Variants in ZNF185 observed in about 807,000 individuals in gnomAD.
ZNF185 encodes the protein zinc finger protein 185.
ZNF185 carries 56 observed loss-of-function variants against 58.6 expected under a neutral mutation model. The ratio of observed to expected loss-of-function variants is 0.95; its 90% CI spans 0.77 to 1.19. ZNF185 has a LOEUF of 1.19. Ranked by LOEUF, ZNF185 falls within the 50% of genes most tolerant of loss-of-function variation. The pLI is 0.00. For missense variants in ZNF185, 627 were observed against 573.5 expected (o/e 1.09, Z -0.95); for synonymous variants, 230 against 215.9 (o/e 1.07, Z -0.57).
chrX:152,938,338 C>T (rs1308255517), intron 15 of ZNF185, among the ~76,000 whole-genome samples, 175 bp downstream of exon 17: 1 of 112,583 alleles, frequency 8.9e-6, no homozygotes, highest in Non-Finnish European at 1.9e-5. Context: ...GGCCAGGGAG[C>T]TTTCCACTAA....
chrX:152,907,125 G>A, the ZNF185 span, among the ~76,000 whole-genome samples: 3 of 110,578 alleles, frequency 2.7e-5, no homozygotes, highest in Admixed American at 9.5e-5. Context: ...GGCTGAGCAC[G>A]TCCTGTGGTG....
intron 15 of ZNF185, among the ~76,000 whole-genome samples, chrX:152,939,571 G>C (rs1370106754): frequency 4.5e-5 from 5 of 111,369 alleles, no homozygotes; most frequent in African/African-American, 1.3e-4. Flanking sequence ...GGTTAACATG[G>C]TTAACATGCT....
exon 21 of ZNF185, chrX:152,969,413 C>A (rs782475335): frequency 1.7e-6 from 2 of 1,208,073 alleles, no homozygotes; most frequent in Non-Finnish European, 2.2e-6. Context: ...TTACTGCAAC[C>A]GTGAGATCCG....
At chrX:152,910,315 C>T (rs139921250), upstream of ZNF185, among the ~76,000 whole-genome samples, 2,413 of 112,225 alleles carry the variant, frequency 0.022, 68 homozygotes, top group African/African-American at 0.075. Context: ...AGAAGATACA[C>T]GTTCATGACA....
chrX:152,944,660 G>T (rs942384844), intron 15 of ZNF185, among the ~76,000 whole-genome samples: 17 of 112,170 alleles, frequency 1.5e-4, no homozygotes, highest in Non-Finnish European at 1.5e-4. Context: ...TGAGACATCT[G>T]GGGGAAGCCC....
intron 16 of ZNF185, among the ~76,000 whole-genome samples, chrX:152,958,836 A>G (rs1460803510): frequency 1.2e-4 from 14 of 112,147 alleles, no homozygotes; most frequent in Admixed American, 3.7e-4. Flanking sequence ...TGTGAAAACT[A>G]CGCGGTCACA....
chrX:152,909,191 G>A, the ZNF185 span, among the ~76,000 whole-genome samples: 2 of 112,665 alleles, frequency 1.8e-5, no homozygotes, highest in Non-Finnish European at 3.8e-5. Context: ...CCCTGGGGCA[G>A]CAGCCATGGT....
rs1603255166 is a variant in ZNF185 at position 152,936,519 on chromosome X, G to A, written c.1122-1555G>A. ...CCTAGACCAGCAGCCATCAGGTAAG[G>A]TTAGGGCCACTGCCCTAGTGCCCTA... On this transcript the variant is annotated intron_variant, in intron 14 of 22. Transcript: ENST00000449285. The A allele has an allele frequency of 8.6e-7, 1 of 1,161,979 alleles. No homozygotes were observed. The highest frequency in any genetic ancestry group is 1.9e-5 in the South Asian group (1 of 52,589).
At position 152,920,369 on chromosome X, in the gene ZNF185, G is replaced by A. The variant is rs1232592867; in HGVS notation, c.572G>A (p.Arg191Gln). 9.1e-6 allele frequency: 11 copies of A among 1,209,406 alleles called. No homozygotes were observed. Among genetic ancestry groups the A allele is most frequent in the Middle Eastern group, 4.6e-4 (2 of 4,305 alleles). The change falls in exon 8 of 23, where the codon CGG (arginine) becomes CAG (glutamine). Residue 191 changes from arginine to glutamine, a missense_variant. Transcript: ENST00000449285. ...GGTGTTCTGAGGAGGACAGCTCCCCGGGAGCACTCCTACGTCCTGTCAGCG... is the reference window on the plus strand; with the variant it reads ...GGTGTTCTGAGGAGGACAGCTCCCCAGGAGCACTCCTACGTCCTGTCAGCG...
intron 15 of ZNF185, 82 bp from the exon 18 acceptor site, chrX:152,945,185 G>T: frequency 4.7e-6 from 5 of 1,057,254 alleles, no homozygotes; most frequent in Non-Finnish European, 6.3e-6. Flanking sequence ...TCCACAGGAG[G>T]TGACAGCCAG....
intron 14 of ZNF185, 58 bp from the exon 17 acceptor site, chrX:152,938,016 C>T: frequency 9.0e-7 from 1 of 1,109,326 alleles, no homozygotes; most frequent in South Asian, 2.0e-5. Context: ...AGGGGGAAGA[C>T]CTGGGCCCCA....
chrX:152,958,607 T>A (rs1556906875), intron 16 of ZNF185, among the ~76,000 whole-genome samples: 1 of 109,379 alleles, frequency 9.1e-6, no homozygotes, highest in Non-Finnish European at 1.9e-5. Context: ...ATACAAAGAA[T>A]TAGCCACGCG....
At chrX:152,965,459 C>G in exon 19 of ZNF185, 1 of 1,182,854 alleles carries the variant, frequency 8.5e-7, no homozygotes, top group Non-Finnish European at 1.1e-6. Context: ...AAGGGATTCT[C>G]TTCGTGAAGG....
At chrX:152,943,079 A>G (rs1263444383) in intron 15 of ZNF185, among the ~76,000 whole-genome samples, 5 of 111,219 alleles carry the variant, frequency 4.5e-5, no homozygotes, top group Non-Finnish European at 7.5e-5. Flanking sequence ...ATCTCGGCTT[A>G]CTGCAACCTC....
intron 13 of ZNF185, 110 bp downstream of exon 14, chrX:152,931,886 GC>G: frequency 1.6e-6 from 1 of 639,165 alleles, no homozygotes; most frequent in Non-Finnish European, 2.3e-6. Flanking sequence ...TGCAGCTGGG[GC>G]CAGGAAGGTC....
chrX:152,924,158 A>G (rs1463893728), intron 11 of ZNF185, among the ~76,000 whole-genome samples: 1 of 111,666 alleles, frequency 9.0e-6, no homozygotes, highest in African/African-American at 3.3e-5. Context: ...TCCGTCGCCC[A>G]GGCTGGAGTG....
chrX:152,919,851 G>A (rs1939343706), intron 7 of ZNF185, among the ~76,000 whole-genome samples: 1 of 112,881 alleles, frequency 8.9e-6, no homozygotes, highest in African/African-American at 3.2e-5. Context: ...GGCCCTGGCA[G>A]ATTGGCTATC....
At chrX:152,969,458 A>T in exon 21 of ZNF185, 2 of 1,205,846 alleles carry the variant, frequency 1.7e-6, no homozygotes, top group Non-Finnish European at 2.2e-6. Context: ...ACATCTTGGT[A>T]TCTGCTGCCA....
chrX:152,907,992 C>T, the ZNF185 span, among the ~76,000 whole-genome samples: 11 of 112,884 alleles, frequency 9.7e-5, no homozygotes, highest in Middle Eastern at 9.3e-3. Context: ...ACACCCGTGT[C>T]ATGGCATGAG....
Sources: allele counts gnomAD v4.1 joint callset (sites outside exome capture counted in the v4.1 genomes callset), GRCh38; gene constraint gnomAD v4.1.1; transcripts MANE v1.5; gene names NCBI Gene and HGNC (gene_info 2026-07-23, HGNC 2026-07-21).